Variants in XNDC1N observed in about 807,000 individuals in gnomAD.
XNDC1N encodes the protein protein XNDC1N.
At chr11:71,913,316 G>A in the XNDC1N span, among the ~76,000 whole-genome samples, 1 of 151,980 alleles carries the variant, frequency 6.6e-6, no homozygotes, top group Non-Finnish European at 1.5e-5. Flanking sequence ...GATTTTCACA[G>A]GGGTGTGTTA....
the XNDC1N span, among the ~76,000 whole-genome samples, chr11:71,886,106 G>A: frequency 5.3e-5 from 8 of 152,088 alleles, no homozygotes; most frequent in Admixed American, 2.6e-4. Context: ...CCGTAGACTG[G>A]GATAGATGAG....
the XNDC1N span, chr11:71,918,915 T>G: frequency 1.4e-6 from 1 of 702,938 alleles, no homozygotes; most frequent in South Asian, 1.5e-5. Flanking sequence ...GGCACTGCCC[T>G]CTCCAGCTGT....
the XNDC1N span, chr11:71,918,969 G>A: frequency 1.4e-6 from 1 of 702,994 alleles, no homozygotes; most frequent in Non-Finnish European, 2.6e-6. Context: ...GGGCAGCCGA[G>A]CCAAGGTCTC....
At chr11:71,877,070 G>T in the XNDC1N span, among the ~76,000 whole-genome samples, 1 of 152,212 alleles carries the variant, frequency 6.6e-6, no homozygotes, top group African/African-American at 2.4e-5. Context: ...TAAGACTTGG[G>T]AAGTTTGCCT....
the XNDC1N span, among the ~76,000 whole-genome samples, chr11:71,883,303 A>T: frequency 2.0e-5 from 3 of 152,220 alleles, no homozygotes; most frequent in Non-Finnish European, 4.4e-5. Context: ...AGCAAGAAAA[A>T]CAAAGCTAGG....
chr11:71,914,049 G>A, the XNDC1N span, among the ~76,000 whole-genome samples: 6 of 152,328 alleles, frequency 3.9e-5, no homozygotes, highest in East Asian at 9.6e-4. Flanking sequence ...TGATGGAGAT[G>A]TACAAGGAGC....
At chr11:71,917,849 G>T in the XNDC1N span, 1 of 677,360 alleles carries the variant, frequency 1.5e-6, no homozygotes, top group Non-Finnish European at 2.7e-6. Flanking sequence ...GTGGAAGGAG[G>T]ACACTCCTCT....
the XNDC1N span, chr11:71,903,085 T>G: frequency 1.8e-6 from 1 of 554,756 alleles, no homozygotes; most frequent in Non-Finnish European, 3.3e-6. Context: ...ACATTACTTG[T>G]GAATTGCTTC....
At chr11:71,909,554 C>T in the XNDC1N span, among the ~76,000 whole-genome samples, 1 of 152,196 alleles carries the variant, frequency 6.6e-6, no homozygotes, top group Admixed American at 6.5e-5. Context: ...AGACCCGGCT[C>T]AAGCGTTCCC....
the XNDC1N span, among the ~76,000 whole-genome samples, chr11:71,900,258 C>T: frequency 1.3e-5 from 2 of 152,186 alleles, no homozygotes; most frequent in Admixed American, 6.5e-5. Context: ...GTATGCTGAG[C>T]GCCGGTCCCC....
chr11:71,905,078 C>T, the XNDC1N span, among the ~76,000 whole-genome samples: 1 of 151,934 alleles, frequency 6.6e-6, no homozygotes, highest in African/African-American at 2.4e-5. Flanking sequence ...TGTCCACTGA[C>T]CGTGATATTA....
the XNDC1N span, among the ~76,000 whole-genome samples, chr11:71,922,154 C>A: frequency 6.6e-6 from 1 of 152,086 alleles, no homozygotes; most frequent in East Asian, 1.9e-4. Flanking sequence ...AGCGAGACTC[C>A]GTCTAAAAAA....
At chr11:71,917,913 G>A in the XNDC1N span, 10 of 605,108 alleles carry the variant, frequency 1.7e-5, no homozygotes, top group Non-Finnish European at 2.7e-5. Context: ...GAGTCCCACA[G>A]GGAGCCAGTA....
the XNDC1N span, among the ~76,000 whole-genome samples, chr11:71,913,275 A>G: frequency 6.6e-6 from 1 of 151,866 alleles, no homozygotes; most frequent in Non-Finnish European, 1.5e-5. Context: ...CCTGGGAGTA[A>G]TATCAGCCTC....
At chr11:71,878,452 C>T in the XNDC1N span, 94 of 1,611,626 alleles carry the variant, frequency 5.8e-5, no homozygotes, top group Non-Finnish European at 7.8e-5. Flanking sequence ...CCTATTCAAC[C>T]ATGAGGGTCT....
the XNDC1N span, among the ~76,000 whole-genome samples, chr11:71,919,865 C>T: frequency 6.0e-5 from 9 of 149,332 alleles, no homozygotes; most frequent in Non-Finnish European, 1.2e-4. Flanking sequence ...GATCCGCCCG[C>T]CTCGGCCTCC....
At chr11:71,887,258 A>T in the XNDC1N span, among the ~76,000 whole-genome samples, 733 of 152,210 alleles carry the variant, frequency 4.8e-3, 4 homozygotes, top group East Asian at 9.6e-3. Context: ...TCAGCAAAGC[A>T]AGCTTTCTGC....
the XNDC1N span, among the ~76,000 whole-genome samples, chr11:71,867,634 T>C: frequency 1.3e-5 from 2 of 152,250 alleles, no homozygotes; most frequent in Admixed American, 6.5e-5. Flanking sequence ...TCTATTTTTA[T>C]TGGGATGTGG....
At chr11:71,876,441 A>C in the XNDC1N span, among the ~76,000 whole-genome samples, 3 of 152,322 alleles carry the variant, frequency 2.0e-5, no homozygotes, top group South Asian at 4.2e-4. Context: ...CCCAGAATGC[A>C]GTGAACCTTC....
Sources: allele counts gnomAD v4.1 joint callset (sites outside exome capture counted in the v4.1 genomes callset), GRCh38; gene constraint gnomAD v4.1.1; transcripts MANE v1.5; gene names NCBI Gene and HGNC (gene_info 2026-07-23, HGNC 2026-07-21).